The following PACRG variants were observed in gnomAD, a reference collection of about 807,000 sequenced individuals.
PACRG encodes parkin coregulated.
In PACRG, 29 loss-of-function variants were observed where a neutral mutation model predicts 29.7. The observed-to-expected ratio is 0.98, with a 90% CI of 0.73 to 1.33. The LOEUF (loss-of-function observed/expected upper bound fraction) is 1.33, where lower values mean the gene tolerates loss of function less well. Ranked by LOEUF, PACRG falls within the 40% of genes most tolerant of loss-of-function variation. The pLI, the probability that PACRG is intolerant of heterozygous loss-of-function variation, is 0.00. For missense variants in PACRG, 279 were observed against 316.2 expected (o/e 0.88, Z 0.89); for synonymous variants, 116 against 118.7 (o/e 0.98, Z 0.15).
At chr6:163,021,449 A>G (rs1052949676) in intron 2 of PACRG, among the ~76,000 whole-genome samples, 4 of 151,900 alleles carry the variant, frequency 2.6e-5, no homozygotes, top group Non-Finnish European at 4.4e-5. Context: ...GTGCCTTCCC[A>G]TCCTACTGAC....
At chr6:162,895,225 G>A (rs973945994) in intron 2 of PACRG, among the ~76,000 whole-genome samples, 17 of 143,798 alleles carry the variant, frequency 1.2e-4, no homozygotes, top group African/African-American at 4.3e-4. Flanking sequence ...AGCAGTGTTC[G>A]TGCCACCGCA....
At position 162,796,400 on chromosome 6, in the gene PACRG, T is replaced by G. The variant is rs188398397; in HGVS notation, c.157-17747T>G. 1.7e-3 allele frequency among the ~76,000 whole-genome samples: 254 copies of G among 152,276 alleles called. 1 individual carries two copies. Among genetic ancestry groups the G allele is most frequent in the African/African-American group, 5.9e-3 (245 of 41,572 alleles). Reference sequence around the variant, plus strand: ...AATTATTTTGTAATGTTTTCTATTTTTATCTTTCTCTGTGTGCTCAGTTTT... The same window carrying G: ...AATTATTTTGTAATGTTTTCTATTTGTATCTTTCTCTGTGTGCTCAGTTTT... On this transcript the variant is annotated intron_variant, in intron 1 of 4. Transcript: ENST00000366888.
intron 3 of PACRG, among the ~76,000 whole-genome samples, chr6:163,080,143 C>A (rs944747650): frequency 1.7e-4 from 26 of 151,968 alleles, no homozygotes; most frequent in Middle Eastern, 3.2e-3. Context: ...CATGATCTGC[C>A]CGCCTCGGCC....
intron 2 of PACRG, among the ~76,000 whole-genome samples, chr6:162,956,054 G>A (rs574878562): frequency 1.2e-4 from 18 of 152,142 alleles, no homozygotes; most frequent in Non-Finnish European, 1.9e-4. Flanking sequence ...TTGCTCCCCA[G>A]GGCAAGCACA....
At chr6:162,905,858 G>A (rs574043788) in intron 2 of PACRG, among the ~76,000 whole-genome samples, 1 of 152,240 alleles carries the variant, frequency 6.6e-6, no homozygotes, top group East Asian at 1.9e-4. Flanking sequence ...GTGAAATGGT[G>A]GTTATTCCTC....
chr6:163,057,519 A>G (rs1422609578), intron 2 of PACRG, among the ~76,000 whole-genome samples: 2 of 152,220 alleles, frequency 1.3e-5, no homozygotes. Context: ...GAGCTCAAGC[A>G]ATCCTCCCAT....
chr6:163,034,167 T>C (rs1397031547), intron 2 of PACRG, among the ~76,000 whole-genome samples: 2 of 152,118 alleles, frequency 1.3e-5, no homozygotes, highest in Non-Finnish European at 2.9e-5. Context: ...GCAGCAACAT[T>C]GAAAAGTTCA....
chr6:163,196,188 C>T (rs1040802005), intron 4 of PACRG, among the ~76,000 whole-genome samples: 1 of 152,226 alleles, frequency 6.6e-6, no homozygotes, highest in Non-Finnish European at 1.5e-5. Flanking sequence ...GAAGTAGAAC[C>T]GTGCCCTGCA....
Position 162,807,079 on chromosome 6 carries a change from A to G in PACRG, c.157-7068A>G, listed in dbSNP as rs545382765. Reference sequence around the variant, plus strand: ...TCACAAATCAACCTCTACTAGCTTCACACTTTTCTTCTGAAGCTTCCTCAC... The same window carrying G: ...TCACAAATCAACCTCTACTAGCTTCGCACTTTTCTTCTGAAGCTTCCTCAC... On this transcript the variant is annotated intron_variant, in intron 1 of 4. Transcript: ENST00000366888. Among the ~76,000 whole-genome samples, 87 of 152,282 alleles carry G rather than the reference A, an allele frequency of 5.7e-4. No individual in the cohort carries two copies. The South Asian group carries it at 0.018, about 31-fold the overall frequency.
At chr6:162,973,485 A>T (rs1265200232) in intron 2 of PACRG, among the ~76,000 whole-genome samples, 2 of 152,162 alleles carry the variant, frequency 1.3e-5, no homozygotes, top group Non-Finnish European at 2.9e-5. Flanking sequence ...TTTAGCACTG[A>T]ATGTCAGGTT....
intron 4 of PACRG, among the ~76,000 whole-genome samples, chr6:163,314,134 A>T (rs1785551263): frequency 6.6e-6 from 1 of 151,920 alleles, no homozygotes; most frequent in African/African-American, 2.4e-5. Flanking sequence ...TCACTTCCAG[A>T]CTCTGCAGCT....
At chr6:162,973,602 T>C (rs1463656549) in intron 2 of PACRG, among the ~76,000 whole-genome samples, 1 of 152,198 alleles carries the variant, frequency 6.6e-6, no homozygotes, top group African/African-American at 2.4e-5. Context: ...CTTCTACCAG[T>C]TTTTTCTCCC....
At chr6:163,104,954 A>T (rs1815300655) in intron 4 of PACRG, among the ~76,000 whole-genome samples, 1 of 151,804 alleles carries the variant, frequency 6.6e-6, no homozygotes, top group South Asian at 2.1e-4. Context: ...AAGTACTCTT[A>T]TACTATTTAT....
intron 2 of PACRG, among the ~76,000 whole-genome samples, chr6:163,020,637 ATCTT>A (rs1214615791): frequency 6.6e-6 from 1 of 152,106 alleles, no homozygotes; most frequent in Non-Finnish European, 1.5e-5. Flanking sequence ...ACACACAGCA[ATCTT>A]TCTTAATTTT....
At chr6:162,961,005 C>T (rs574637590) in intron 2 of PACRG, among the ~76,000 whole-genome samples, 1 of 152,284 alleles carries the variant, frequency 6.6e-6, no homozygotes, top group African/African-American at 2.4e-5. Flanking sequence ...AATATTGTGG[C>T]CATGAGAGGT....
intron 4 of PACRG, among the ~76,000 whole-genome samples, chr6:163,185,996 C>G (rs1158856708): frequency 6.6e-6 from 1 of 152,180 alleles, no homozygotes; most frequent in Admixed American, 6.5e-5. Context: ...GCCCCCTCCT[C>G]TCTCTGTTTT....
chr6:163,235,293 G>A (rs1782192445), intron 4 of PACRG, among the ~76,000 whole-genome samples: 1 of 152,126 alleles, frequency 6.6e-6, no homozygotes, highest in Admixed American at 6.5e-5. Flanking sequence ...AGCATATACA[G>A]ATATATTTCT....
chr6:162,913,350 G>T (rs780948721), intron 2 of PACRG, among the ~76,000 whole-genome samples: 1 of 152,120 alleles, frequency 6.6e-6, no homozygotes, highest in Non-Finnish European at 1.5e-5. Context: ...GTTACTAAGC[G>T]TATGCCTTTG....
intron 2 of PACRG, among the ~76,000 whole-genome samples, chr6:162,979,924 T>G (rs890277673): frequency 2.0e-5 from 3 of 152,122 alleles, no homozygotes; most frequent in African/African-American, 7.2e-5. Context: ...GGGCCTAAAG[T>G]TGGTAAATAA....
Sources: gnomAD v4.1 joint callset for allele counts (sites outside exome capture counted in the v4.1 genomes callset) on GRCh38, gnomAD v4.1.1 for gene constraint, MANE v1.5 for transcripts, NCBI Gene and HGNC (gene_info 2026-07-23, HGNC 2026-07-21) for gene names.